The following LRBA variants were observed in gnomAD, a reference collection of about 807,000 sequenced individuals.
LRBA encodes lipopolysaccharide-responsive and beige-like anchor protein.
A neutral mutation model predicts 330.0 loss-of-function variants in LRBA; 176 were observed. The observed-to-expected ratio is 0.53, with a 90% confidence interval of 0.47 to 0.60. LRBA has a LOEUF of 0.60. Among genes scored for constraint, LRBA ranks in the 20% least tolerant of loss-of-function variants. The pLI is 0.00. For synonymous variants in LRBA, 1,230 were observed against 1,193.0 expected (o/e 1.03, Z -0.64); for missense variants, 3,259 against 3,444.8 (o/e 0.95, Z 1.35).
chr4:150,877,317 G>C lies in LRBA; in HGVS notation c.2166-4562C>G, dbSNP rs547114689. ...ATATAACACCACTCATAGGCTCATAGTACAGGGTTGGGGAAAGATCTACCA... is the reference window on the plus strand; with the variant it reads ...ATATAACACCACTCATAGGCTCATACTACAGGGTTGGGGAAAGATCTACCA... On this transcript the variant is annotated intron_variant, in intron 17 of 56. Coordinates refer to ENST00000651943, the MANE Select transcript of LRBA (RefSeq NM_001364905.1). 1.2e-3 allele frequency among the ~76,000 whole-genome samples: 185 copies of C among 149,828 alleles called. 2 individuals carry two copies. The highest frequency in any genetic ancestry group is 4.3e-3 in the African/African-American group (176 of 40,952).
chr4:150,517,090 G>C (rs991724595), intron 40 of LRBA, among the ~76,000 whole-genome samples: 1 of 152,110 alleles, frequency 6.6e-6, no homozygotes, highest in Non-Finnish European at 1.5e-5. Flanking sequence ...TATGGAGTGA[G>C]ATAAACAAAC....
chr4:150,635,715 T>C lies in LRBA; in HGVS notation c.5922-36584A>G, dbSNP rs143561667. Among the ~76,000 whole-genome samples the C allele has an allele frequency of 4.2e-3, 646 of 152,298 alleles. 5 individuals carry two copies. Among genetic ancestry groups the C allele is most frequent in the African/African-American group, 0.015 (609 of 41,562 alleles). ...AGGACTTTGTTCTACATAATAATAA[T>C]ATAACTGAAAGTCAGGAAACTAAAA... On this transcript the variant is annotated intron_variant, in intron 37 of 56. Transcript: ENST00000651943.
chr4:150,919,211 T>C (rs1241314252), intron 5 of LRBA, among the ~76,000 whole-genome samples: 1 of 152,076 alleles, frequency 6.6e-6, no homozygotes, highest in African/African-American at 2.4e-5. Context: ...GGCTGGGGAA[T>C]ATGGGGAGTG....
chr4:150,573,746 TA>T (rs912166815), intron 40 of LRBA, among the ~76,000 whole-genome samples: 8 of 152,208 alleles, frequency 5.3e-5, no homozygotes, highest in Non-Finnish European at 2.9e-5. Flanking sequence ...ATCTGTAAAA[TA>T]AAAGATGTTA....
At chr4:150,457,386 A>G (rs1171704326) in intron 44 of LRBA, among the ~76,000 whole-genome samples, 2 of 152,086 alleles carry the variant, frequency 1.3e-5, no homozygotes, top group Non-Finnish European at 2.9e-5. Context: ...AGAATAGTGT[A>G]GACAAAAGAT....
chr4:150,726,452 G>GTAAA (rs748154139), intron 36 of LRBA, among the ~76,000 whole-genome samples: 14 of 152,160 alleles, frequency 9.2e-5, no homozygotes, highest in Non-Finnish European at 2.1e-4. Context: ...TATAACGATT[G>GTAAA]TAAATAAATA....
chr4:150,642,120 T>C (rs1292307382), intron 37 of LRBA, among the ~76,000 whole-genome samples: 2 of 152,048 alleles, frequency 1.3e-5, no homozygotes, highest in Admixed American at 1.3e-4. Context: ...TAGTAAAATA[T>C]GTTACCTGTA....
chr4:150,823,971 G>A (rs936247307), intron 30 of LRBA, among the ~76,000 whole-genome samples: 4 of 152,128 alleles, frequency 2.6e-5, no homozygotes, highest in Non-Finnish European at 5.9e-5. Flanking sequence ...TGTGAAGAAT[G>A]TCACTGGTAT....
intron 56 of LRBA, among the ~76,000 whole-genome samples, chr4:150,273,128 C>G (rs911667117): frequency 2.0e-5 from 3 of 152,338 alleles, no homozygotes; most frequent in South Asian, 2.1e-4. Flanking sequence ...AGAAACCCTA[C>G]AAGCCAGAAG....
rs142107506 is a variant in LRBA at position 150,787,151 on chromosome 4, C to T, written c.5580+10930G>A. Among the ~76,000 whole-genome samples, 334 of 151,046 alleles carry T rather than the reference C, an allele frequency of 2.2e-3. 1 individual carries two copies. Among genetic ancestry groups the T allele is most frequent in the Middle Eastern group, 3.4e-3 (1 of 294 alleles). Reference sequence around the variant, plus strand: ...GGAGGCTGAGGCGGGAAGATCACCGCGGAGGTTGCAGGGAGCCAAGATTGC... The same window carrying T: ...GGAGGCTGAGGCGGGAAGATCACCGTGGAGGTTGCAGGGAGCCAAGATTGC... On this transcript the variant is annotated intron_variant, in intron 34 of 56. Transcript: ENST00000651943.
At position 150,315,711 on chromosome 4, in the gene LRBA, T is replaced by G. The variant is rs1006509183; in HGVS notation, c.7631-88A>C. 6.3e-6 allele frequency: 5 copies of G among 790,282 alleles called. No individual in the cohort carries two copies. The African/African-American group carries it at 9.0e-5, about 14-fold the overall frequency. The allele number at this position is 790,282 out of a possible 1,614,324, so 49.0% of individuals were successfully genotyped here. ...TGCATAAGTCAAACCTTATGTAGAA[T>G]TGTTTCCAATCTCTAAATCTTTCAT... On this transcript the variant is annotated intron_variant, in intron 50 of 56. Coordinates refer to ENST00000651943, the MANE Select transcript of LRBA (RefSeq NM_001364905.1).
At chr4:150,877,708 C>T (rs1039079930) in intron 17 of LRBA, among the ~76,000 whole-genome samples, 13 of 152,178 alleles carry the variant, frequency 8.5e-5, no homozygotes, top group Non-Finnish European at 1.5e-4. Flanking sequence ...GGATACTCCA[C>T]CCATCAGCCA....
At position 150,583,878 on chromosome 4, in the gene LRBA, GA is replaced by G; in HGVS notation, c.6330+4169del. 6.2e-7 allele frequency: 1 copy of G among 1,613,764 alleles called. No homozygotes were observed. The highest frequency in any genetic ancestry group is 8.5e-7 in the Non-Finnish European group (1 of 1,179,828). ...AGACGCTGCTGCTGTACGAGTGCGAGAAACACCCACGAGAAACGGACTGGGA... is the reference window on the plus strand; with the variant it reads ...AGACGCTGCTGCTGTACGAGTGCGAGAACACCCACGAGAAACGGACTGGGA... On this transcript the variant is annotated intron_variant, in intron 40 of 56. Transcript: ENST00000651943. This position sits in a 1 kb window ranked among gnomAD's most constrained non-coding sequence, Gnocchi z 9.8.
chr4:150,419,006 G>A (rs72734450), intron 46 of LRBA, among the ~76,000 whole-genome samples: 34,407 of 152,038 alleles, frequency 0.23, 4,526 homozygotes, highest in Non-Finnish European at 0.31. Flanking sequence ...GGATTAAGAG[G>A]TTAGGCAGGA....
chr4:150,623,584 A>C (rs1776526870), intron 37 of LRBA, among the ~76,000 whole-genome samples: 1 of 152,128 alleles, frequency 6.6e-6, no homozygotes, highest in Admixed American at 6.5e-5. Flanking sequence ...CAAAAGAGGA[A>C]ACCAGAAGAC....
In LRBA at chr4:150,735,239, A is replaced by C. The variant is rs1490106585; in HGVS notation, c.5754+19T>G. The C allele has an allele frequency of 4.5e-6, 7 of 1,562,314 alleles. No individual in the cohort carries two copies. Among genetic ancestry groups the C allele is most frequent in the Non-Finnish European group, 6.2e-6 (7 of 1,133,330 alleles). Reference sequence around the variant, plus strand: ...TAAAAAACGGTAACTTCCGCACACCAACCATATGTGTAACCTACCTCAAAT... The same window carrying C: ...TAAAAAACGGTAACTTCCGCACACCCACCATATGTGTAACCTACCTCAAAT... On this transcript the variant is annotated intron_variant, in intron 36 of 56. Coordinates refer to ENST00000651943, the MANE Select transcript of LRBA (RefSeq NM_001364905.1).
At chr4:150,656,487 C>G (rs1228386788) in intron 37 of LRBA, among the ~76,000 whole-genome samples, 1 of 152,180 alleles carries the variant, frequency 6.6e-6, no homozygotes, top group Non-Finnish European at 1.5e-5. Context: ...CTTTGCCATA[C>G]TAACACAGTT....
At chr4:150,639,145 T>C (rs1346916094) in intron 37 of LRBA, among the ~76,000 whole-genome samples, 7 of 146,968 alleles carry the variant, frequency 4.8e-5, no homozygotes, top group East Asian at 4.0e-4. Context: ...TAGGTGGGAA[T>C]TGAACGATGA....
intron 2 of LRBA, among the ~76,000 whole-genome samples, chr4:150,996,555 A>G (rs754621811): frequency 9.9e-5 from 15 of 152,198 alleles, no homozygotes; most frequent in Non-Finnish European, 1.9e-4. Context: ...ATAAACTACC[A>G]TGCACCATTT....
Sources: allele counts gnomAD v4.1 joint callset (sites outside exome capture counted in the v4.1 genomes callset), GRCh38; gene constraint gnomAD v4.1.1; non-coding constraint Gnocchi (gnomAD v3.1); transcripts MANE v1.5; gene names NCBI Gene and HGNC (gene_info 2026-07-23, HGNC 2026-07-21).